DCLK3: variants seen among roughly 807,000 people sequenced by gnomAD.
DCLK3 encodes serine/threonine-protein kinase DCLK3.
In DCLK3, 30 loss-of-function variants were observed where a neutral mutation model predicts 46.4. The ratio of observed to expected loss-of-function variants is 0.65; its 90% CI spans 0.48 to 0.88. The LOEUF is 0.88. Ranked by LOEUF, DCLK3 falls within the 40% of genes least tolerant of loss-of-function variation. The probability of loss-of-function intolerance (pLI) is 0.00; values close to 1 mark genes in which losing one functional copy is unlikely to be tolerated. For synonymous variants in DCLK3, 401 were observed against 339.2 expected (o/e 1.18, Z -2.00); for missense variants, 846 against 907.1 (o/e 0.93, Z 0.87).
chr3:36,761,664 TG>T (rs898288502), intron 1 of DCLK3, among the ~76,000 whole-genome samples: 2 of 152,080 alleles, frequency 1.3e-5, no homozygotes, highest in African/African-American at 4.8e-5. Context: ...ATGACCCTCC[TG>T]GATCCAAGGA....
chr3:36,724,294 A>G (rs1367600687), intron 2 of DCLK3, among the ~76,000 whole-genome samples: 1 of 152,174 alleles, frequency 6.6e-6, no homozygotes, highest in African/African-American at 2.4e-5. Flanking sequence ...GGCTCACAGG[A>G]GGAAGGGACT....
chr3:36,741,637 C>A (rs1254264267), intron 1 of DCLK3, among the ~76,000 whole-genome samples: 2 of 152,194 alleles, frequency 1.3e-5, no homozygotes, highest in Non-Finnish European at 2.9e-5. Context: ...CAGTACATAG[C>A]AAAGGAACCA....
chr3:36,732,972 G>A (rs1490003678), intron 2 of DCLK3, among the ~76,000 whole-genome samples: 1 of 152,220 alleles, frequency 6.6e-6, no homozygotes, highest in Non-Finnish European at 1.5e-5. Context: ...AAGGGAGAAT[G>A]AGCAGGAAGT....
At chr3:36,745,522 A>T (rs1368365195) in intron 1 of DCLK3, among the ~76,000 whole-genome samples, 1 of 152,238 alleles carries the variant, frequency 6.6e-6, no homozygotes, top group Non-Finnish European at 1.5e-5. Flanking sequence ...AGAAAGGTCA[A>T]TGCATCTAAC....
rs751156999 is a variant in DCLK3, at chr3:36,721,518, AAC to A, written c.2092+7_2092+8del. ...ACTAGAGTCCCACAGATCGATGTGTAACACTTACCTTTCTCAGAAAGAATTTC... is the reference window on the plus strand; with the variant it reads ...ACTAGAGTCCCACAGATCGATGTGTAACTTACCTTTCTCAGAAAGAATTTC... On this transcript the variant is annotated splice_region_variant and intron_variant, in intron 3 of 4. Transcript: ENST00000636136. The A allele has an allele frequency of 2.5e-6, 4 of 1,613,976 alleles. No homozygotes were observed. The East Asian group carries it at 8.9e-5, about 36-fold the overall frequency.
rs1157974307 is a variant in DCLK3, at chr3:36,712,634, T to G, written c.*2694A>C. Reference sequence around the variant, plus strand: ...CCATTTCCATCTCCAGCAAACCCCCTGATCACTTTCTGTCACTATAGATTC... The same window carrying G: ...CCATTTCCATCTCCAGCAAACCCCCGGATCACTTTCTGTCACTATAGATTC... On this transcript the variant is annotated 3_prime_UTR_variant, in exon 5 of 5. Transcript: ENST00000636136. The G allele has an allele frequency of 6.6e-6, 1 of 152,192 alleles. No individual in the cohort carries two copies. The highest frequency in any genetic ancestry group is 2.4e-5 in the African/African-American group (1 of 41,456). 9.4% of individuals were successfully genotyped at this position (152,192 alleles called of 1,614,324 possible). A position where few individuals can be genotyped will look rare whatever the true frequency, so the allele number is the denominator to read the frequency against.
At chr3:36,720,048 C>T (rs1701036175) in intron 3 of DCLK3, among the ~76,000 whole-genome samples, 1 of 152,166 alleles carries the variant, frequency 6.6e-6, no homozygotes, top group South Asian at 2.1e-4. Flanking sequence ...AATGTGATTC[C>T]CAATGTTGGA....
intron 2 of DCLK3, among the ~76,000 whole-genome samples, chr3:36,727,113 T>A (rs887224084): frequency 1.3e-5 from 2 of 151,750 alleles, no homozygotes; most frequent in Non-Finnish European, 2.9e-5. Context: ...TGAAACCCCA[T>A]CTCTACTAAA....
chr3:36,743,939 A>T (rs1196372099), intron 1 of DCLK3, among the ~76,000 whole-genome samples: 1 of 152,206 alleles, frequency 6.6e-6, no homozygotes, highest in African/African-American at 2.4e-5. Context: ...GTTCGCAGTG[A>T]TAGCTCCCTC....
At chr3:36,760,723 T>G (rs1253717761) in intron 1 of DCLK3, among the ~76,000 whole-genome samples, 2 of 152,212 alleles carry the variant, frequency 1.3e-5, no homozygotes, top group African/African-American at 2.4e-5. Context: ...AGAATCTATA[T>G]TTTAATAAGA....
intron 2 of DCLK3, among the ~76,000 whole-genome samples, chr3:36,735,512 G>A (rs1438655025): frequency 1.3e-5 from 2 of 152,214 alleles, no homozygotes; most frequent in African/African-American, 4.8e-5. Flanking sequence ...GACTCACTCA[G>A]TGTTTCACCT....
At chr3:36,749,326 GTTTCC>G (rs1359194550) in intron 1 of DCLK3, among the ~76,000 whole-genome samples, 1 of 152,168 alleles carries the variant, frequency 6.6e-6, no homozygotes, top group Non-Finnish European at 1.5e-5. Context: ...AGACTTCATA[GTTTCC>G]TTTCCCTCCT....
Position 36,738,013 on chromosome 3 carries a change from C to T in DCLK3, c.1154G>A (p.Arg385Lys), listed in dbSNP as rs757901949. ...TTTCTTGTCCATGCTCTTGCTGGGTCTCCTCAGCTCTTGAGTGGGATTCCT... is the reference window on the plus strand; with the variant it reads ...TTTCTTGTCCATGCTCTTGCTGGGTTTCCTCAGCTCTTGAGTGGGATTCCT... The part of the protein sequence containing the change: ...SPRNPTQELR[R>K]PSKSMDKKED... The change falls in exon 2 of 5, where the codon AGA (arginine) becomes AAA (lysine). Residue 385 changes from arginine (R) to lysine (K), a missense_variant. Arg to Lys is a conservative substitution (Grantham distance 26, BLOSUM62 2). Transcript: ENST00000636136. 1.4e-5 allele frequency: 23 copies of T among 1,614,046 alleles called. No individual in the cohort carries two copies. The highest frequency in any genetic ancestry group is 1.9e-5 in the Non-Finnish European group (22 of 1,180,036).
intron 4 of DCLK3, among the ~76,000 whole-genome samples, chr3:36,716,556 G>C (rs952161739): frequency 6.6e-6 from 1 of 152,232 alleles, no homozygotes; most frequent in African/African-American, 2.4e-5. Flanking sequence ...TTGTGTACAA[G>C]TGTGGACAAC....
At chr3:36,756,950 C>T (rs1701490718) in intron 1 of DCLK3, among the ~76,000 whole-genome samples, 1 of 151,468 alleles carries the variant, frequency 6.6e-6, no homozygotes, top group African/African-American at 2.4e-5. Context: ...GCCTCAGAGG[C>T]TCTGCTATGA....
intron 4 of DCLK3, among the ~76,000 whole-genome samples, chr3:36,717,072 T>A (rs1469724376): frequency 1.3e-5 from 2 of 152,168 alleles, no homozygotes; most frequent in Non-Finnish European, 2.9e-5. Flanking sequence ...TTCAATAGCA[T>A]GTTTAGGGAA....
At chr3:36,715,920 G>A (rs1700974621) in intron 4 of DCLK3, among the ~76,000 whole-genome samples, 2 of 152,138 alleles carry the variant, frequency 1.3e-5, no homozygotes, top group Admixed American at 1.3e-4. Context: ...GGCACTCAGG[G>A]CAAAGGAACA....
chr3:36,751,085 A>AAAAAAAAAAAAAAAG (rs1701437845), intron 1 of DCLK3, among the ~76,000 whole-genome samples: 1 of 151,474 alleles, frequency 6.6e-6, no homozygotes, highest in African/African-American at 2.4e-5. Context: ...AAAAAAAAAA[A>AAAAAAAAAAAAAAAG]ACTCCCCGAA....
intron 2 of DCLK3, among the ~76,000 whole-genome samples, chr3:36,725,697 T>C (rs1701118362): frequency 6.6e-6 from 1 of 152,206 alleles, no homozygotes; most frequent in African/African-American, 2.4e-5. Context: ...GTCTGTAATC[T>C]GCCTAGCAAA....
Sources: allele counts gnomAD v4.1 joint callset (sites outside exome capture counted in the v4.1 genomes callset), GRCh38; gene constraint gnomAD v4.1.1; transcripts MANE v1.5; gene names NCBI Gene and HGNC (gene_info 2026-07-23, HGNC 2026-07-21).